The following URGCP variants were observed in gnomAD, a reference collection of about 807,000 sequenced individuals.
URGCP encodes up-regulator of cell proliferation.
Under a neutral mutation model 24.6 loss-of-function variants are expected in URGCP, and 13 were observed. That is an observed-to-expected ratio of 0.53 (90% CI 0.34 to 0.84). URGCP has a LOEUF of 0.84. URGCP is among the 40% of genes least tolerant of loss of function. The probability of loss-of-function intolerance (pLI) is 0.01; values close to 1 mark genes in which losing one functional copy is unlikely to be tolerated. For missense variants in URGCP, 899 were observed against 1,194.3 expected (o/e 0.75, Z 3.64); for synonymous variants, 444 against 487.2 (o/e 0.91, Z 1.17).
At chr7:43,888,873 C>T (rs190029903) in intron 1 of URGCP, 2 of 152,166 alleles carry the variant, frequency 1.3e-5, no homozygotes, top group Admixed American at 6.5e-5. Context: ...ATACCTTCCA[C>T]GCTAAAAGAA....
chr7:43,904,064 G>A (rs1396136861), intron 1 of URGCP, among the ~76,000 whole-genome samples: 3 of 152,188 alleles, frequency 2.0e-5, no homozygotes, highest in Non-Finnish European at 2.9e-5. Context: ...CCTCTCTGCC[G>A]TCTCTATACT....
intron 5 of URGCP, among the ~76,000 whole-genome samples, chr7:43,879,513 C>A (rs2095850784): frequency 6.6e-6 from 1 of 152,208 alleles, no homozygotes; most frequent in South Asian, 2.1e-4. Flanking sequence ...AAAGAAAGAA[C>A]AGAAATAAAT....
intron 1 of URGCP, 166 bp from the exon 2 acceptor site, chr7:43,887,982 C>A: frequency 1.7e-6 from 1 of 585,628 alleles, no homozygotes; most frequent in Non-Finnish European, 3.0e-6. Flanking sequence ...CAAAAAGATG[C>A]TGGATGAGAT....
intron 1 of URGCP, among the ~76,000 whole-genome samples, chr7:43,896,420 A>G (rs2132689784): frequency 6.6e-6 from 1 of 151,654 alleles, no homozygotes; most frequent in East Asian, 1.9e-4. Flanking sequence ...GCGCCACGAC[A>G]ATCCAGCCTG....
chr7:43,913,386 T>A (rs902455623), intron 1 of URGCP, among the ~76,000 whole-genome samples: 3 of 151,490 alleles, frequency 2.0e-5, no homozygotes, highest in Non-Finnish European at 2.9e-5. Context: ...TTTTTTTTTT[T>A]ATTTTTTATT....
upstream of URGCP, among the ~76,000 whole-genome samples, chr7:43,908,764 A>G (rs1390672690): frequency 6.6e-6 from 1 of 152,148 alleles, no homozygotes; most frequent in African/African-American, 2.4e-5. Context: ...AAGATGGTCT[A>G]CAAGCTTCTG....
rs781146314 is a variant in URGCP at position 43,876,864 on chromosome 7, A to G, written c.2599T>C (p.Phe867Leu). 3 of 1,614,134 alleles carry G rather than the reference A, an allele frequency of 1.9e-6. No homozygotes were observed. The highest frequency in any genetic ancestry group is 2.5e-6 in the Non-Finnish European group (3 of 1,180,034). The change falls in exon 6 of 6, where the codon TTC (phenylalanine) becomes CTC (leucine). Residue 867 changes from phenylalanine to leucine, a missense_variant. Phe to Leu is a conservative substitution (Grantham distance 22, BLOSUM62 0). Coordinates refer to ENST00000453200, the MANE Select transcript of URGCP (RefSeq NM_001077663.3). The part of the protein sequence containing the change: ...DGFRALAGLA[F>L]CDPEKQHIWH... ...ATGTGCTGCTTCTCAGGGTCGCAGA[A>G]GGCCAGGCCTGCCAGTGCCCGGAAG...
At chr7:43,914,361 C>T (rs527934222) in intron 1 of URGCP, among the ~76,000 whole-genome samples, 13 of 152,110 alleles carry the variant, frequency 8.5e-5, no homozygotes, top group Admixed American at 5.2e-4. Context: ...AAAATTTAGC[C>T]GGGTATGCTA....
At chr7:43,900,528 A>C (rs983710206) in intron 1 of URGCP, among the ~76,000 whole-genome samples, 3 of 152,056 alleles carry the variant, frequency 2.0e-5, no homozygotes, top group African/African-American at 7.2e-5. Flanking sequence ...TTAAAACAGA[A>C]CCACCACATC....
At chr7:43,912,893 C>T (rs1020778467) in intron 1 of URGCP, among the ~76,000 whole-genome samples, 4 of 151,888 alleles carry the variant, frequency 2.6e-5, no homozygotes, top group African/African-American at 9.7e-5. Flanking sequence ...CTCTGTTGCC[C>T]AGGCTGGAAT....
At chr7:43,900,469 C>CAA (rs759728715) in intron 1 of URGCP, among the ~76,000 whole-genome samples, 16 of 114,494 alleles carry the variant, frequency 1.4e-4, no homozygotes, top group African/African-American at 3.4e-4. Flanking sequence ...AAAACCAAAA[C>CAA]AAAAAAAAAA....
chr7:43,906,611 T>C, upstream of URGCP: 12 of 1,190,806 alleles, frequency 1.0e-5, no homozygotes, highest in Non-Finnish European at 1.3e-5. Context: ...CCTCCTTCGC[T>C]TCCTCCGCGC....
chr7:43,898,666 G>A lies in URGCP; in HGVS notation c.14+7896C>T, dbSNP rs951301403. 2.0e-5 allele frequency among the ~76,000 whole-genome samples: 3 copies of A among 152,126 alleles called. No individual in the cohort carries two copies. The South Asian group carries it at 6.2e-4, about 32-fold the overall frequency. On this transcript the variant is annotated intron_variant, in intron 1 of 5. Coordinates refer to ENST00000453200, the MANE Select transcript of URGCP (RefSeq NM_001077663.3). ...CTTAAGTCCAGTTATTCAGGAGGCT[G>A]AGGTGGATCGCTTGAGCCCAGGAGT... is the stretch of plus-strand genomic sequence containing the variant.
intron 1 of URGCP, among the ~76,000 whole-genome samples, chr7:43,894,649 T>G (rs1474502328): frequency 6.6e-6 from 1 of 152,144 alleles, no homozygotes; most frequent in Non-Finnish European, 1.5e-5. Flanking sequence ...CGTGAGCCAC[T>G]GTGCCTGGCC....
In URGCP at chr7:43,876,978, CG is replaced by C; in HGVS notation, c.2484del (p.Gly829AlafsTer17). 1 of 1,614,140 alleles carries C rather than the reference CG, an allele frequency of 6.2e-7. No individual in the cohort carries two copies. Among genetic ancestry groups the C allele is most frequent in the Non-Finnish European group, 8.5e-7 (1 of 1,180,026 alleles). ...TGTCTCTTGTCTCTGGGCCTAGGGC[CG>C]GGAACAGATACATCATGAAGGTTCT... ...VYQNLHDVSV[P>X]GPRPRDKRQL... On this transcript the variant is annotated frameshift_variant, in exon 6 of 6. Transcript: ENST00000453200. LOFTEE classifies it high-confidence loss of function.
upstream of URGCP, among the ~76,000 whole-genome samples, chr7:43,909,015 T>C (rs1229374753): frequency 6.6e-6 from 1 of 152,202 alleles, no homozygotes; most frequent in African/African-American, 2.4e-5. Context: ...TTGCTACCAG[T>C]ATTTCATTAT....
chr7:43,906,512 C>G lies in URGCP; in HGVS notation c.14+50G>C, dbSNP rs1156371839. On this transcript the variant is annotated intron_variant, in intron 1 of 5. Coordinates refer to ENST00000453200, the MANE Select transcript of URGCP (RefSeq NM_001077663.3). ...CCAGAGCCGCTCCGGGTCCCGCTCC[C>G]GTTCCTGCCGGCAGCCGCGGGGGCG... 6.2e-5 allele frequency: 74 copies of G among 1,190,410 alleles called. No individual in the cohort carries two copies. In the African/African-American group the frequency reaches 1.0e-3, roughly 17 times the overall value. The allele number at this position is 1,190,410 out of a possible 1,614,324, so 73.7% of individuals were successfully genotyped here.
At chr7:43,925,860 A>T (rs2095929365) in intron 1 of URGCP, among the ~76,000 whole-genome samples, 1 of 142,428 alleles carries the variant, frequency 7.0e-6, no homozygotes. Flanking sequence ...TTCGTGACAC[A>T]CTAGTTCATA....
chr7:43,907,863 C>T (rs1198771749), upstream of URGCP, among the ~76,000 whole-genome samples: 1 of 152,198 alleles, frequency 6.6e-6, no homozygotes, highest in African/African-American at 2.4e-5. Context: ...TCCTTGTCCT[C>T]TTCGGTAAAG....
Sources: gnomAD v4.1 joint callset for allele counts (sites outside exome capture counted in the v4.1 genomes callset) on GRCh38, gnomAD v4.1.1 for gene constraint, MANE v1.5 for transcripts, NCBI Gene and HGNC (gene_info 2026-07-23, HGNC 2026-07-21) for gene names.